DENND5B: variants seen among roughly 807,000 people sequenced by gnomAD.
The protein encoded by DENND5B is DENN domain containing 5B.
DENND5B carries 34 observed loss-of-function variants against 140.6 expected under a neutral mutation model. That is an observed-to-expected ratio of 0.24 (90% CI 0.18 to 0.32). The LOEUF is 0.32. Among genes scored for constraint, DENND5B ranks in the 10% least tolerant of loss-of-function variants. DENND5B has a pLI of 1.00. For synonymous variants in DENND5B, 551 were observed against 562.1 expected (o/e 0.98, Z 0.28); for missense variants, 1,142 against 1,560.2 (o/e 0.73, Z 4.52).
At chr12:31,590,297 G>C (rs1248019372) in intron 1 of DENND5B, 2 of 153,644 alleles carry the variant, frequency 1.3e-5, no homozygotes, top group African/African-American at 4.8e-5. Context: ...TCACGTGCGG[G>C]GCCGAAACTT....
At chr12:31,580,152 T>C (rs970280940) in intron 1 of DENND5B, among the ~76,000 whole-genome samples, 1 of 152,018 alleles carries the variant, frequency 6.6e-6, no homozygotes, top group East Asian at 1.9e-4. Context: ...CTTTCTGAAA[T>C]TTCATAAATA....
rs556890842 is a variant in DENND5B, at chr12:31,468,056, C to T, written c.905-7675G>A. Among the ~76,000 whole-genome samples, 5 of 152,172 alleles carry T rather than the reference C, an allele frequency of 3.3e-5. No individual in the cohort carries two copies. In the East Asian group the frequency reaches 9.7e-4, roughly 30 times the overall value. Reference sequence around the variant, plus strand: ...ATTGCTTGAGCCCAGGAGTTCAAGACCAGCCTGGGCAACATACAGAGACCC... The same window carrying T: ...ATTGCTTGAGCCCAGGAGTTCAAGATCAGCCTGGGCAACATACAGAGACCC... On this transcript the variant is annotated intron_variant, in intron 3 of 20. Transcript: ENST00000389082.
chr12:31,576,429 C>T (rs938249845), intron 1 of DENND5B, among the ~76,000 whole-genome samples: 3 of 151,550 alleles, frequency 2.0e-5, no homozygotes, highest in Non-Finnish European at 4.4e-5. Flanking sequence ...GCACTCCAGC[C>T]TGGGAGACAG....
At chr12:31,391,025 A>C (rs1439172842) in intron 19 of DENND5B, among the ~76,000 whole-genome samples, 1 of 152,174 alleles carries the variant, frequency 6.6e-6, no homozygotes, top group Admixed American at 6.5e-5. Flanking sequence ...CAAACAAACA[A>C]ACAAAAACGT....
chr12:31,547,482 T>G (rs2139213853), intron 1 of DENND5B, among the ~76,000 whole-genome samples: 1 of 152,236 alleles, frequency 6.6e-6, no homozygotes, highest in South Asian at 2.1e-4. Flanking sequence ...CACTGCAACC[T>G]CTGCCTCCTG....
intron 2 of DENND5B, among the ~76,000 whole-genome samples, chr12:31,490,572 G>A (rs939046933): frequency 4.0e-5 from 6 of 151,520 alleles, no homozygotes; most frequent in African/African-American, 1.5e-4. Flanking sequence ...GATTGCACCA[G>A]TGCACTCCAG....
At chr12:31,590,650 C>T (rs1950589352) in intron 1 of DENND5B, 56 bp downstream of exon 1, 2 of 1,404,438 alleles carry the variant, frequency 1.4e-6, no homozygotes, top group African/African-American at 3.1e-5. Context: ...CGCGCGTCCC[C>T]ACAGCGTCCC....
intron 11 of DENND5B, among the ~76,000 whole-genome samples, chr12:31,416,921 GCTT>G (rs1259082377): frequency 7.8e-6 from 1 of 127,812 alleles, no homozygotes; most frequent in African/African-American, 2.8e-5. Flanking sequence ...TTTTTAATTA[GCTT>G]TTTTTTTTTT....
At chr12:31,492,189 G>A (rs868811399) in intron 2 of DENND5B, among the ~76,000 whole-genome samples, 6 of 114,594 alleles carry the variant, frequency 5.2e-5, no homozygotes, top group Middle Eastern at 8.7e-3. Flanking sequence ...TATTCTTCAG[G>A]GGGAAACTTT....
intron 1 of DENND5B, among the ~76,000 whole-genome samples, chr12:31,542,345 T>G (rs998039675): frequency 6.8e-6 from 1 of 146,652 alleles, no homozygotes; most frequent in African/African-American, 2.5e-5. Context: ...AGTAGAAGGA[T>G]AGTTACCAGA....
At chr12:31,577,787 T>G (rs1950068245) in intron 1 of DENND5B, among the ~76,000 whole-genome samples, 1 of 150,810 alleles carries the variant, frequency 6.6e-6, no homozygotes, top group Admixed American at 6.6e-5. Flanking sequence ...CAAACTATAT[T>G]TAAGGATTCA....
chr12:31,545,966 A>AAAAAAT (rs1467106120), intron 1 of DENND5B, among the ~76,000 whole-genome samples: 6 of 150,558 alleles, frequency 4.0e-5, no homozygotes, highest in Non-Finnish European at 7.4e-5. Flanking sequence ...AAAAAAAAAA[A>AAAAAAT]AAAAAGTGGG....
chr12:31,438,431 C>G (rs991612858), intron 7 of DENND5B, among the ~76,000 whole-genome samples: 7 of 152,092 alleles, frequency 4.6e-5, no homozygotes, highest in Non-Finnish European at 8.8e-5. Flanking sequence ...AAAATAGTTT[C>G]TTAAGAAGAG....
At chr12:31,476,405 TAGTC>T (rs137962243) in intron 3 of DENND5B, among the ~76,000 whole-genome samples, 3,185 of 151,718 alleles carry the variant, frequency 0.021, 54 homozygotes, top group South Asian at 0.052. Context: ...AGCTATCATT[TAGTC>T]AGTGTCAATT....
At chr12:31,544,878 G>C (rs1948806294) in intron 1 of DENND5B, among the ~76,000 whole-genome samples, 1 of 152,012 alleles carries the variant, frequency 6.6e-6, no homozygotes, top group Non-Finnish European at 1.5e-5. Context: ...TTAGAGGAAA[G>C]TTCTTAAGAA....
chr12:31,520,026 T>C (rs10506074), intron 1 of DENND5B, among the ~76,000 whole-genome samples: 3,398 of 152,308 alleles, frequency 0.022, 134 homozygotes, highest in African/African-American at 0.076. Flanking sequence ...CTGTGTCAAC[T>C]GGAACATGGC....
At chr12:31,451,473 G>A (rs1325965264) in intron 5 of DENND5B, among the ~76,000 whole-genome samples, 2 of 151,962 alleles carry the variant, frequency 1.3e-5, no homozygotes, top group Admixed American at 6.6e-5. Context: ...ACAGGTGTGC[G>A]CCACCACGCC....
chr12:31,571,086 G>A (rs1949807012), intron 1 of DENND5B, among the ~76,000 whole-genome samples: 1 of 151,388 alleles, frequency 6.6e-6, no homozygotes, highest in African/African-American at 2.5e-5. Context: ...CCCTTACTAT[G>A]GGAGACAGGA....
At chr12:31,570,983 T>C (rs899141178) in intron 1 of DENND5B, among the ~76,000 whole-genome samples, 3 of 152,114 alleles carry the variant, frequency 2.0e-5, no homozygotes, top group African/African-American at 7.3e-5. Context: ...AGATTGTCCC[T>C]GTTATCATTC....
Sources: gnomAD v4.1 joint callset for allele counts (sites outside exome capture counted in the v4.1 genomes callset) on GRCh38, gnomAD v4.1.1 for gene constraint, MANE v1.5 for transcripts, NCBI Gene and HGNC (gene_info 2026-07-23, HGNC 2026-07-21) for gene names.